RNF38: variants seen among roughly 807,000 people sequenced by gnomAD.
RNF38 encodes ring finger protein 38, also known as E3 ubiquitin-protein ligase RNF38.
RNF38 carries 15 observed loss-of-function variants against 67.2 expected under a neutral mutation model. The ratio of observed to expected loss-of-function variants is 0.22; its 90% confidence interval spans 0.15 to 0.34. The LOEUF is 0.34. Ranked by LOEUF, RNF38 falls within the 10% of genes least tolerant of loss-of-function variation. The pLI is 1.00. For synonymous variants in RNF38, 220 were observed against 218.8 expected (o/e 1.01, Z -0.05); for missense variants, 524 against 639.9 (o/e 0.82, Z 1.95).
chr9:36,455,415 T>C (rs1201436590), intron 1 of RNF38, among the ~76,000 whole-genome samples: 1 of 152,184 alleles, frequency 6.6e-6, no homozygotes, highest in Non-Finnish European at 1.5e-5. Context: ...GTTTCTTTAA[T>C]AGTAAGCACA....
intron 2 of RNF38, among the ~76,000 whole-genome samples, chr9:36,416,738 C>T (rs868658409): frequency 8.4e-6 from 1 of 118,674 alleles, no homozygotes; most frequent in South Asian, 2.8e-4. Context: ...GCTGCTGCCT[C>T]GATATTTTTT....
chr9:36,427,325 C>T (rs1352217382), intron 1 of RNF38, among the ~76,000 whole-genome samples: 1 of 152,212 alleles, frequency 6.6e-6, no homozygotes, highest in African/African-American at 2.4e-5. Context: ...CTAGTCTACA[C>T]TTCCATCAGT....
At chr9:36,420,981 A>C (rs1366889936) in intron 2 of RNF38, among the ~76,000 whole-genome samples, 1 of 152,206 alleles carries the variant, frequency 6.6e-6, no homozygotes, top group African/African-American at 2.4e-5. Context: ...CAACAGATCA[A>C]GCCAAAAAAT....
Position 36,356,391 on chromosome 9 carries a change from A to G in RNF38, c.821T>C (p.Ile274Thr), listed in dbSNP as rs764416843. The part of the protein sequence containing the change: ...PPLISSDPFL[I>T]HPPHLSPHHP... ...ATGGGGAGAAAGGTGAGGAGGATGTATAAGAAATGGATCACTAGAAATAAG... is the reference window on the plus strand; with the variant it reads ...ATGGGGAGAAAGGTGAGGAGGATGTGTAAGAAATGGATCACTAGAAATAAG... The change falls in exon 6 of 12, where the codon ATA becomes ACA. Residue 274 changes from isoleucine to threonine, a missense_variant. By Grantham distance (89) the Ile-to-Thr change is moderately conservative. Around this residue, in one of 2 missense-constraint regions of RNF38, gnomAD observed 461 missense variants for 517.4 expected, o/e 0.89. Transcript: ENST00000259605. The G allele has an allele frequency of 5.0e-6, 8 of 1,614,050 alleles. No homozygotes were observed. The East Asian group carries it at 6.7e-5, about 13-fold the overall frequency.
At chr9:36,342,191 T>C in intron 11 of RNF38, 134 bp downstream of exon 11, 2 of 605,478 alleles carry the variant, frequency 3.3e-6, no homozygotes, top group Non-Finnish European at 5.9e-6. Context: ...TTTTCTCATT[T>C]GCAGAGATCA....
At chr9:36,464,489 T>C (rs1324055254) in intron 1 of RNF38, among the ~76,000 whole-genome samples, 3 of 151,598 alleles carry the variant, frequency 2.0e-5, no homozygotes, top group Non-Finnish European at 2.9e-5. Flanking sequence ...GAGAATTGCT[T>C]GAACCTGGGA....
chr9:36,468,681 G>A (rs980372899), intron 1 of RNF38, among the ~76,000 whole-genome samples: 1 of 151,720 alleles, frequency 6.6e-6, no homozygotes, highest in African/African-American at 2.4e-5. Context: ...GTGTGGTGGC[G>A]GGTGCCTGTA....
chr9:36,354,408 A>G (rs575155552), intron 6 of RNF38, among the ~76,000 whole-genome samples: 4 of 152,270 alleles, frequency 2.6e-5, no homozygotes, highest in African/African-American at 9.6e-5. Flanking sequence ...TCACCGTGTT[A>G]GCCAGGATGG....
intron 1 of RNF38, among the ~76,000 whole-genome samples, chr9:36,395,053 A>T (rs1484012519): frequency 1.2e-4 from 19 of 152,206 alleles, no homozygotes; most frequent in Non-Finnish European, 1.5e-5. Context: ...TCATATGACT[A>T]ATTCATTAAG....
At chr9:36,474,017 T>C (rs1159731216) in intron 1 of RNF38, among the ~76,000 whole-genome samples, 1 of 116,280 alleles carries the variant, frequency 8.6e-6, no homozygotes, top group African/African-American at 3.3e-5. Context: ...CCTCAATTTT[T>C]AAAACCCTAG....
intron 6 of RNF38, 42 bp downstream of exon 6, chr9:36,356,261 G>A: frequency 6.3e-7 from 1 of 1,595,450 alleles, no homozygotes; most frequent in South Asian, 1.1e-5. Flanking sequence ...TTAAAAATTA[G>A]TTAAAAACTA....
At chr9:36,399,365 C>T (rs1307596492) in intron 1 of RNF38, among the ~76,000 whole-genome samples, 1 of 151,866 alleles carries the variant, frequency 6.6e-6, no homozygotes, top group Middle Eastern at 3.2e-3. Flanking sequence ...ACTATAGGCG[C>T]TAAGGCCTTC....
At chr9:36,451,799 T>A (rs76319777) in intron 1 of RNF38, among the ~76,000 whole-genome samples, 9,242 of 151,804 alleles carry the variant, frequency 0.061, 312 homozygotes, top group South Asian at 0.15. Flanking sequence ...TGCACCCGGC[T>A]TGCAGTATTT....
At chr9:36,454,183 G>A (rs1203850649) in intron 1 of RNF38, among the ~76,000 whole-genome samples, 1 of 151,818 alleles carries the variant, frequency 6.6e-6, no homozygotes, top group Non-Finnish European at 1.5e-5. Flanking sequence ...AAGTGCAGTG[G>A]CGCAATCTCG....
intron 1 of RNF38, among the ~76,000 whole-genome samples, chr9:36,454,146 CAG>C (rs1028616434): frequency 2.1e-4 from 32 of 149,732 alleles, no homozygotes; most frequent in African/African-American, 6.4e-4. Context: ...TTTTTTGAGA[CAG>C]AGTCTCACTC....
intron 1 of RNF38, among the ~76,000 whole-genome samples, chr9:36,391,766 A>G (rs369152870): frequency 5.5e-4 from 84 of 151,712 alleles, no homozygotes; most frequent in African/African-American, 1.8e-3. Flanking sequence ...GGCGCCCGCC[A>G]CCCCGCCTGG....
At chr9:36,434,615 C>T (rs1198932057) in intron 1 of RNF38, among the ~76,000 whole-genome samples, 1 of 152,150 alleles carries the variant, frequency 6.6e-6, no homozygotes, top group African/African-American at 2.4e-5. Flanking sequence ...TCTCGAACTC[C>T]TGACCTCAGG....
At chr9:36,414,684 C>T (rs1285100792) in intron 2 of RNF38, among the ~76,000 whole-genome samples, 1 of 138,932 alleles carries the variant, frequency 7.2e-6, no homozygotes, top group Non-Finnish European at 1.5e-5. Flanking sequence ...GAAACTCTGT[C>T]TCCAAAAAAA....
chr9:36,476,340 G>A lies in RNF38; in HGVS notation n.241+10968C>T, dbSNP rs1397762730. ...CCCTTGGCCAAGCTGGTCTTGAACT[G>A]ACCTCAGGTGATCCGCCCGCCTCAG... On this transcript the variant is annotated intron_variant and non_coding_transcript_variant, in intron 1 of 3. Transcript: ENST00000488058. Among the ~76,000 whole-genome samples, 3 of 152,002 alleles carry A rather than the reference G, an allele frequency of 2.0e-5. No individual in the cohort carries two copies. The East Asian group carries it at 5.8e-4, about 30-fold the overall frequency.
Sources: allele counts gnomAD v4.1 joint callset (sites outside exome capture counted in the v4.1 genomes callset), GRCh38; gene constraint gnomAD v4.1.1; regional missense constraint gnomAD v4.1.1; transcripts MANE v1.5; gene names NCBI Gene and HGNC (gene_info 2026-07-23, HGNC 2026-07-21).